MYO1F: variants seen among roughly 807,000 people sequenced by gnomAD.
The protein encoded by MYO1F is unconventional myosin-If.
In MYO1F, 60 loss-of-function variants were observed where a neutral mutation model predicts 146.6. The ratio of observed to expected loss-of-function variants is 0.41; its 90% confidence interval spans 0.33 to 0.51. The LOEUF is 0.51. Among genes scored for constraint, MYO1F ranks in the 20% least tolerant of loss-of-function variants. MYO1F has a pLI of 0.25. For synonymous variants in MYO1F, 602 were observed against 602.1 expected (o/e 1.00, Z 0.00); for missense variants, 1,274 against 1,534.3 (o/e 0.83, Z 2.83).
chr19:8,567,873 A>C (rs1249573594), intron 1 of MYO1F, among the ~76,000 whole-genome samples: 1 of 152,166 alleles, frequency 6.6e-6, no homozygotes, highest in Non-Finnish European at 1.5e-5. Context: ...TTTGGGGGCC[A>C]GTGCAGGCTT....
At position 8,543,690 on chromosome 19, in the gene MYO1F, G is replaced by GTGCTGGTGGTGGTGC. The variant is rs770023610; in HGVS notation, c.1524+606_1524+607insGCACCACCACCAGCA. Reference sequence around the variant, plus strand: ...GGTGGTGGTGCTGGTGGTGGTGGTGGTGGTGGTGGTGGTGGTGCTGGTGGT... The same window carrying GTGCTGGTGGTGGTGC: ...GGTGGTGGTGCTGGTGGTGGTGGTGGTGCTGGTGGTGGTGCTGGTGGTGGTGGTGGTGCTGGTGGT... On this transcript the variant is annotated intron_variant, in intron 14 of 27. Coordinates refer to ENST00000644032, the MANE Select transcript of MYO1F (RefSeq NM_012335.4). Among the ~76,000 whole-genome samples the GTGCTGGTGGTGGTGC allele has an allele frequency of 1.0e-4, 2 of 19,460 alleles. 1 individual carries two copies. The highest frequency in any genetic ancestry group is 3.6e-4 in the African/African-American group (2 of 5,622). 12.8% of individuals were successfully genotyped at this position (19,460 alleles called of 152,430 possible). A position where few individuals can be genotyped will look rare whatever the true frequency, so the allele number is the denominator to read the frequency against.
At position 8,577,085 on chromosome 19, in the gene MYO1F, C is replaced by T; in HGVS notation, c.3+222G>A. The T allele has an allele frequency of 1.6e-6, 1 of 641,050 alleles. No individual in the cohort carries two copies. Among genetic ancestry groups the T allele is most frequent in the African/African-American group, 1.8e-5 (1 of 55,454 alleles). The allele number at this position is 641,050 out of a possible 1,614,324, so 39.7% of individuals were successfully genotyped here. A position where few individuals can be genotyped will look rare whatever the true frequency, so the allele number is the denominator to read the frequency against. On this transcript the variant is annotated intron_variant, in intron 1 of 27. Coordinates refer to ENST00000644032, the MANE Select transcript of MYO1F (RefSeq NM_012335.4). This position sits in a 1 kb window ranked among gnomAD's most constrained non-coding sequence, Gnocchi z 4.3. ...CCAGGTCCTGCCCTATCCTTGGATCCAGGGATACCACCCTGGCATCCCCAC... is the reference window on the plus strand; with the variant it reads ...CCAGGTCCTGCCCTATCCTTGGATCTAGGGATACCACCCTGGCATCCCCAC...
chr19:8,523,378 T>A (rs1004643727), intron 25 of MYO1F, among the ~76,000 whole-genome samples: 1 of 151,320 alleles, frequency 6.6e-6, no homozygotes, highest in Non-Finnish European at 1.5e-5. Flanking sequence ...ATGGTCTCAC[T>A]CTCGCCCAGG....
intron 6 of MYO1F, among the ~76,000 whole-genome samples, chr19:8,552,865 G>A (rs1363114106): frequency 6.6e-6 from 1 of 152,190 alleles, no homozygotes; most frequent in African/African-American, 2.4e-5. Context: ...GACCTGAAAT[G>A]TGAATGGGAA....
Position 8,555,726 on chromosome 19 carries a change from AG to A in MYO1F, c.73del (p.Leu25PhefsTer33). The A allele has an allele frequency of 6.2e-7, 1 of 1,614,138 alleles. No homozygotes were observed. The highest frequency in any genetic ancestry group is 8.5e-7 in the Non-Finnish European group (1 of 1,180,036). ...AATGGCGTCTTCGGTGATCTGGGGA[AG>A]AAGCACCATGTCATCCACGCCGCTC... ...KQSGVDDMVL[L>X]PQITEDAIAA... On this transcript the variant is annotated frameshift_variant, in exon 2 of 28. Transcript: ENST00000644032. LOFTEE classifies it high-confidence loss of function.
intron 10 of MYO1F, among the ~76,000 whole-genome samples, 177 bp from the exon 11 acceptor site, chr19:8,548,494 AT>A (rs1973466276): frequency 6.6e-6 from 1 of 151,950 alleles, no homozygotes; most frequent in Non-Finnish European, 1.5e-5. Flanking sequence ...TCCCCACCCC[AT>A]AATCAGTCAC....
intron 1 of MYO1F, among the ~76,000 whole-genome samples, chr19:8,566,349 A>T (rs1376458688): frequency 6.7e-6 from 1 of 150,352 alleles, no homozygotes; most frequent in Non-Finnish European, 1.5e-5. Flanking sequence ...TTGTATTTTT[A>T]GTAGAGATGG....
chr19:8,523,117 C>T (rs185830149), intron 25 of MYO1F, among the ~76,000 whole-genome samples: 11 of 151,556 alleles, frequency 7.3e-5, no homozygotes, highest in East Asian at 5.8e-4. Context: ...CTGCAAGCTC[C>T]GCCTCCTGGG....
At chr19:8,571,576 G>A (rs12983677) in intron 1 of MYO1F, among the ~76,000 whole-genome samples, 62,578 of 149,588 alleles carry the variant, frequency 0.42, 14,143 homozygotes, top group East Asian at 0.7. Flanking sequence ...CACCGCGCCC[G>A]GCTAATTTTT....
At chr19:8,533,127 C>T (rs990822355) in intron 19 of MYO1F, among the ~76,000 whole-genome samples, 1 of 151,852 alleles carries the variant, frequency 6.6e-6, no homozygotes, top group African/African-American at 2.4e-5. Context: ...GCGATCTCGG[C>T]TCCCGGGCTC....
chr19:8,574,548 TTTC>T lies in MYO1F; in HGVS notation c.3+2756_3+2758del, dbSNP rs2042170356. Among the ~76,000 whole-genome samples the T allele has an allele frequency of 1.3e-4, 10 of 79,086 alleles. No homozygotes were observed. In the South Asian group the frequency reaches 4.0e-3, roughly 32 times the overall value. The allele number at this position is 79,086 out of a possible 152,430, so 51.9% of individuals were successfully genotyped here. On this transcript the variant is annotated intron_variant, in intron 1 of 27. Transcript: ENST00000644032. ...TTTTTTCCCTTTCTTTCTTTCTTTC[TTTC>T]TTTCTTTCTTTCTTTCTTTCTTTCT...
intron 14 of MYO1F, among the ~76,000 whole-genome samples, chr19:8,542,845 C>A (rs372342512): frequency 6.6e-6 from 1 of 151,456 alleles, no homozygotes; most frequent in Non-Finnish European, 1.5e-5. Context: ...CCTTGTGATC[C>A]GCCCGCCTCA....
At chr19:8,532,704 A>G (rs576210617) in intron 19 of MYO1F, among the ~76,000 whole-genome samples, 4 of 151,974 alleles carry the variant, frequency 2.6e-5, no homozygotes, top group Non-Finnish European at 5.9e-5. Flanking sequence ...TGGGCAACAT[A>G]GAAAGACCCC....
In MYO1F at chr19:8,521,445, C is replaced by A; in HGVS notation, c.*83G>T. The A allele has an allele frequency of 7.0e-7, 1 of 1,437,798 alleles. No homozygotes were observed. Among genetic ancestry groups the A allele is most frequent in the Non-Finnish European group, 9.7e-7 (1 of 1,026,128 alleles). The allele number at this position is 1,437,798 out of a possible 1,614,324, so 89.1% of individuals were successfully genotyped here. A position where few individuals can be genotyped will look rare whatever the true frequency, so the allele number is the denominator to read the frequency against. On this transcript the variant is annotated 3_prime_UTR_variant, in exon 28 of 28. Transcript: ENST00000644032. ...GCTATTGCAGCCCAGGTAAACGAGGCTCTCATTGGCAGGGCCTGGCTCCCC... is the reference window on the plus strand; with the variant it reads ...GCTATTGCAGCCCAGGTAAACGAGGATCTCATTGGCAGGGCCTGGCTCCCC...
intron 8 of MYO1F, among the ~76,000 whole-genome samples, chr19:8,551,161 C>T (rs185031196): frequency 8.6e-5 from 13 of 151,996 alleles, no homozygotes; most frequent in Non-Finnish European, 1.5e-4. Context: ...AAGCGATTCT[C>T]CTGCCTCAGC....
intron 14 of MYO1F, among the ~76,000 whole-genome samples, chr19:8,543,507 AG>A (rs1304118432): frequency 1.3e-5 from 2 of 151,674 alleles, no homozygotes; most frequent in Non-Finnish European, 2.9e-5. Context: ...ATCTGAACAT[AG>A]GCAGTCTGGT....
At chr19:8,535,972 C>A (rs959318815) in intron 19 of MYO1F, among the ~76,000 whole-genome samples, 2 of 152,134 alleles carry the variant, frequency 1.3e-5, no homozygotes, top group Non-Finnish European at 2.9e-5. Context: ...TGAGCCACCG[C>A]GCCCGGCAGT....
At chr19:8,523,396 G>T (rs1407360579) in intron 25 of MYO1F, among the ~76,000 whole-genome samples, 1 of 152,122 alleles carries the variant, frequency 6.6e-6, no homozygotes, top group Admixed American at 6.6e-5. Flanking sequence ...AGGTTGGAGT[G>T]CAGTGGTACA....
intron 19 of MYO1F, among the ~76,000 whole-genome samples, chr19:8,533,363 T>C (rs1353239201): frequency 7.1e-6 from 1 of 141,514 alleles, no homozygotes; most frequent in African/African-American, 2.7e-5. Flanking sequence ...TCTTCTTTTT[T>C]TTTTTTTTTG....
Sources: gnomAD v4.1 joint callset for allele counts (sites outside exome capture counted in the v4.1 genomes callset) on GRCh38, gnomAD v4.1.1 for gene constraint, Gnocchi (gnomAD v3.1) non-coding constraint, MANE v1.5 for transcripts, NCBI Gene and HGNC (gene_info 2026-07-23, HGNC 2026-07-21) for gene names.